BCAP29: variants seen among roughly 807,000 people sequenced by gnomAD.
BCAP29 encodes the protein B cell receptor associated protein 29, also known as B-cell receptor-associated protein 29.
In BCAP29, 34 loss-of-function variants were observed where a neutral mutation model predicts 31.8. That is an observed-to-expected ratio of 1.07 (90% CI 0.81 to 1.42). BCAP29 has a LOEUF of 1.42. BCAP29 is among the 40% of genes most tolerant of loss of function. BCAP29 has a pLI of 0.00. For missense variants in BCAP29, 314 were observed against 269.2 expected (o/e 1.17, Z -1.16); for synonymous variants, 104 against 91.3 (o/e 1.14, Z -0.79).
chr7:107,622,167 A>G (rs75316272), downstream of BCAP29: 359 of 307,962 alleles, frequency 1.2e-3, 9 homozygotes, highest in East Asian at 0.027. Context: ...ATCTCCCTGT[A>G]TCTTCTCTAA....
At chr7:107,605,521 A>G (rs1811929462) in intron 6 of BCAP29, among the ~76,000 whole-genome samples, 1 of 152,234 alleles carries the variant, frequency 6.6e-6, no homozygotes. Flanking sequence ...ACAATTCTCT[A>G]AATGTGTTGA....
chr7:107,608,214 TAAGA>T (rs915329967), intron 6 of BCAP29, among the ~76,000 whole-genome samples: 8 of 150,426 alleles, frequency 5.3e-5, no homozygotes, highest in Non-Finnish European at 7.4e-5. Flanking sequence ...AAAAAAAAAA[TAAGA>T]AAGGGAAGTT....
chr7:107,603,071 G>A (rs796235995), intron 6 of BCAP29, among the ~76,000 whole-genome samples: 30 of 140,246 alleles, frequency 2.1e-4, no homozygotes, highest in African/African-American at 8.0e-4. Flanking sequence ...CCGGGTTCAC[G>A]CCATTCTCCA....
At chr7:107,607,654 C>T (rs1457046901) in intron 6 of BCAP29, among the ~76,000 whole-genome samples, 3 of 133,522 alleles carry the variant, frequency 2.2e-5, no homozygotes, top group South Asian at 2.3e-4. Flanking sequence ...TTTTTTTTTC[C>T]GAGACAGATT....
intron 3 of BCAP29, among the ~76,000 whole-genome samples, chr7:107,589,860 C>T (rs1012955894): frequency 3.9e-5 from 6 of 152,128 alleles, no homozygotes; most frequent in African/African-American, 1.2e-4. Context: ...CGCTTTGTTG[C>T]CCAGGCTGGT....
At chr7:107,615,213 G>T (rs1208129707) in intron 7 of BCAP29, 2 of 456,724 alleles carry the variant, frequency 4.4e-6, no homozygotes, top group Non-Finnish European at 8.8e-6. Context: ...ATATATAACA[G>T]TGAGATTTCC....
chr7:107,620,556 C>T (rs1305960534), downstream of BCAP29: 1 of 152,154 alleles, frequency 6.6e-6, no homozygotes, highest in Non-Finnish European at 1.5e-5. Flanking sequence ...ATTATAAATT[C>T]AAACACAGGA....
intron 6 of BCAP29, among the ~76,000 whole-genome samples, chr7:107,611,988 T>C (rs1254612605): frequency 6.6e-6 from 1 of 152,200 alleles, no homozygotes; most frequent in African/African-American, 2.4e-5. Flanking sequence ...ATGTAGAACA[T>C]TTGACAATAC....
intron 6 of BCAP29, among the ~76,000 whole-genome samples, chr7:107,604,534 C>A (rs2129269449): frequency 6.6e-6 from 1 of 152,222 alleles, no homozygotes; most frequent in Admixed American, 6.5e-5. Context: ...TAAGTTTACC[C>A]TAAGCATGTT....
intron 6 of BCAP29, among the ~76,000 whole-genome samples, chr7:107,604,936 AG>A (rs1332519430): frequency 6.6e-6 from 1 of 152,044 alleles, no homozygotes; most frequent in African/African-American, 2.4e-5. Context: ...CAATCCTTTT[AG>A]TTAGGTAAAT....
intron 3 of BCAP29, among the ~76,000 whole-genome samples, chr7:107,591,967 AAAAG>A (rs1036659520): frequency 6.6e-6 from 1 of 152,046 alleles, no homozygotes; most frequent in Non-Finnish European, 1.5e-5. Context: ...AATATTTAAA[AAAAG>A]AGACAGGGTC....
intron 7 of BCAP29, among the ~76,000 whole-genome samples, chr7:107,614,232 C>T (rs552593815): frequency 2.6e-5 from 4 of 152,276 alleles, no homozygotes; most frequent in African/African-American, 9.6e-5. Context: ...TACACATTTC[C>T]CTGCATCTTA....
intron 7 of BCAP29, among the ~76,000 whole-genome samples, chr7:107,617,256 C>T (rs1225497705): frequency 6.6e-6 from 1 of 152,064 alleles, no homozygotes; most frequent in East Asian, 1.9e-4. Context: ...TTCATTGGAA[C>T]AATCATAAAA....
At chr7:107,604,789 A>C (rs1235823263) in intron 6 of BCAP29, among the ~76,000 whole-genome samples, 1 of 150,722 alleles carries the variant, frequency 6.6e-6, no homozygotes, top group Non-Finnish European at 1.5e-5. Context: ...TTTCTTTGAC[A>C]CCTTTGTCCC....
chr7:107,612,391 T>TTATATATA (rs36213596), intron 6 of BCAP29, among the ~76,000 whole-genome samples: 378 of 30,410 alleles, frequency 0.012, 5 homozygotes, highest in Non-Finnish European at 0.017. Context: ...ATGTATTGTT[T>TTATATATA]TATATATATA....
intron 3 of BCAP29, among the ~76,000 whole-genome samples, chr7:107,589,837 A>G (rs1038384820): frequency 6.6e-6 from 1 of 152,230 alleles, no homozygotes; most frequent in African/African-American, 2.4e-5. Context: ...GTTGTTTTAT[A>G]GAGACAGACT....
intron 5 of BCAP29, among the ~76,000 whole-genome samples, chr7:107,599,785 A>G (rs1214734386): frequency 6.6e-6 from 1 of 152,146 alleles, no homozygotes; most frequent in African/African-American, 2.4e-5. Flanking sequence ...CTTACCTAGA[A>G]AAGATAAGCT....
Position 107,583,934 on chromosome 7 carries a change from A to G in BCAP29, c.145A>G (p.Asn49Asp), listed in dbSNP as rs775041921. The G allele has an allele frequency of 6.3e-7, 1 of 1,589,374 alleles. No individual in the cohort carries two copies. Among genetic ancestry groups the G allele is most frequent in the East Asian group, 2.3e-5 (1 of 43,720 alleles). Residue 49 changes from asparagine to aspartate, a missense_variant, in exon 3 of 8, where the codon AAC (asparagine) becomes GAC (aspartate). Transcript: ENST00000005259. ...CTGGGGTAAAATTGCAACTTTTTGG[A>G]ACAAGGCTTTCCTTACCATTATCAT... ...NVWGKIATFW[N>D]KAFLTIIILL...
chr7:107,618,044 A>C (rs1814506645), intron 7 of BCAP29, among the ~76,000 whole-genome samples: 1 of 152,180 alleles, frequency 6.6e-6, no homozygotes, highest in Non-Finnish European at 1.5e-5. Context: ...GGTTAACAGT[A>C]GGGGAATTTT....
Sources: allele counts gnomAD v4.1 joint callset (sites outside exome capture counted in the v4.1 genomes callset), GRCh38; gene constraint gnomAD v4.1.1; transcripts MANE v1.5; gene names NCBI Gene and HGNC (gene_info 2026-07-23, HGNC 2026-07-21).